GRID1: variants seen among roughly 807,000 people sequenced by gnomAD.
GRID1 encodes glutamate ionotropic receptor delta type subunit 1.
GRID1 carries 28 observed loss-of-function variants against 98.0 expected under a neutral mutation model. That is an observed-to-expected ratio of 0.29 (90% CI 0.21 to 0.39). GRID1 has a LOEUF of 0.39. GRID1 is among the 10% of genes least tolerant of loss of function. GRID1 has a pLI of 1.00. For missense variants in GRID1, 1,111 were observed against 1,340.5 expected, an observed-to-expected ratio of 0.83 and a Z score of 2.67; for synonymous variants, 553 against 538.5, an observed-to-expected ratio of 1.03 and a Z score of -0.37.
At chr10:86,186,837 A>C (rs1374394794) in intron 3 of GRID1, among the ~76,000 whole-genome samples, 1 of 152,244 alleles carries the variant, frequency 6.6e-6, no homozygotes, top group Non-Finnish European at 1.5e-5. Flanking sequence ...TAGCCACAAA[A>C]CACAGAGATC....
intron 2 of GRID1, among the ~76,000 whole-genome samples, chr10:86,265,439 A>G (rs1384116117): frequency 6.6e-6 from 1 of 152,232 alleles, no homozygotes; most frequent in Non-Finnish European, 1.5e-5. Flanking sequence ...TGACCCTTCT[A>G]TTTTACAGAT....
intron 4 of GRID1, among the ~76,000 whole-genome samples, chr10:85,977,709 C>A (rs2001416): frequency 6.6e-6 from 1 of 152,096 alleles, no homozygotes; most frequent in Admixed American, 6.5e-5. Context: ...CCTTACTGCC[C>A]TGGATTAGAT....
intron 4 of GRID1, among the ~76,000 whole-genome samples, chr10:86,010,541 G>A (rs569556431): frequency 1.2e-4 from 18 of 152,228 alleles, no homozygotes; most frequent in Admixed American, 4.6e-4. Context: ...TAATGAGGCC[G>A]GGTATGGTGG....
intron 12 of GRID1, among the ~76,000 whole-genome samples, chr10:85,701,515 A>G (rs774575156): frequency 1.6e-4 from 25 of 152,200 alleles, no homozygotes; most frequent in Non-Finnish European, 3.2e-4. Flanking sequence ...ACTAAGGCAC[A>G]GTTTTGATAA....
intron 4 of GRID1, among the ~76,000 whole-genome samples, chr10:86,085,245 C>T (rs867780526): frequency 2.0e-5 from 3 of 152,166 alleles, no homozygotes; most frequent in South Asian, 2.1e-4. Flanking sequence ...CTTGGGTCCT[C>T]GGCTTGTTTC....
At position 86,326,778 on chromosome 10, in the gene GRID1, G is replaced by A. The variant is rs184627932; in HGVS notation, c.235+37163C>T. Among the ~76,000 whole-genome samples, 526 of 152,304 alleles carry A rather than the reference G, an allele frequency of 3.5e-3. 5 individuals carry two copies. The highest frequency in any genetic ancestry group is 0.012 in the African/African-American group (489 of 41,556). ...TAAATTGGAGACAAGAGTGGAGCAG[G>A]TGCCAGGTTACCCAGGAGGAAACCA... On this transcript the variant is annotated intron_variant, in intron 2 of 15. Coordinates refer to ENST00000327946, the MANE Select transcript of GRID1 (RefSeq NM_017551.3).
At chr10:86,116,766 G>C (rs955392472) in intron 4 of GRID1, among the ~76,000 whole-genome samples, 7 of 151,484 alleles carry the variant, frequency 4.6e-5, no homozygotes, top group African/African-American at 1.7e-4. Context: ...ATGTGGCCAG[G>C]GGCTAAGGCT....
Position 85,748,708 on chromosome 10 carries a change from T to C in GRID1, c.1234-19094A>G, listed in dbSNP as rs1842020332. 1.3e-5 allele frequency among the ~76,000 whole-genome samples: 2 copies of C among 152,150 alleles called. 1 individual carries two copies. The highest frequency in any genetic ancestry group is 4.1e-4 in the South Asian group (2 of 4,828). ...AATGCTCTAATCGCTTTGAAATTTA[T>C]ATTTCTATATCAGGTTTCTTCCCTG... On this transcript the variant is annotated intron_variant, in intron 8 of 15. Coordinates refer to ENST00000327946, the MANE Select transcript of GRID1 (RefSeq NM_017551.3).
At chr10:85,960,937 C>T (rs1050606414) in intron 4 of GRID1, among the ~76,000 whole-genome samples, 3 of 151,944 alleles carry the variant, frequency 2.0e-5, no homozygotes, top group Non-Finnish European at 2.9e-5. Context: ...CTGCTATTAA[C>T]CCTGGCCTTC....
chr10:85,698,784 T>A (rs1159096329), intron 12 of GRID1, among the ~76,000 whole-genome samples: 2 of 152,224 alleles, frequency 1.3e-5, no homozygotes, highest in Non-Finnish European at 2.9e-5. Flanking sequence ...TAAGACCTTT[T>A]GTTGCTTCAT....
Position 85,949,113 on chromosome 10 carries a change from A to T in GRID1, c.727-32874T>A, listed in dbSNP as rs183977934. ...GCTTCTCCCAGGAGGGTACTCTGAC[A>T]GGTGTGGGGTGCGGGAGGGGAAGGG... On this transcript the variant is annotated intron_variant, in intron 4 of 15. Transcript: ENST00000327946. Among the ~76,000 whole-genome samples, 102 of 152,274 alleles carry T rather than the reference A, an allele frequency of 6.7e-4. 1 individual carries two copies. The highest frequency in any genetic ancestry group is 2.3e-3 in the African/African-American group (97 of 41,562).
intron 5 of GRID1, among the ~76,000 whole-genome samples, chr10:85,900,677 CA>C (rs1841368648): frequency 6.6e-6 from 1 of 152,196 alleles, no homozygotes; most frequent in African/African-American, 2.4e-5. Flanking sequence ...GTGGCTCCCA[CA>C]GCCTTGGCTG....
At chr10:85,923,563 G>A (rs989422325) in intron 4 of GRID1, among the ~76,000 whole-genome samples, 1 of 152,060 alleles carries the variant, frequency 6.6e-6, no homozygotes, top group African/African-American at 2.4e-5. Flanking sequence ...CTCTACACAC[G>A]ATCCCTCCCT....
chr10:86,199,946 G>A (rs1202053688), intron 3 of GRID1, among the ~76,000 whole-genome samples: 1 of 152,010 alleles, frequency 6.6e-6, no homozygotes, highest in Non-Finnish European at 1.5e-5. Flanking sequence ...ACCCGAGGTA[G>A]CAAGATATGG....
At chr10:86,361,195 G>C (rs1848596685) in intron 2 of GRID1, among the ~76,000 whole-genome samples, 1 of 152,230 alleles carries the variant, frequency 6.6e-6, no homozygotes, top group South Asian at 2.1e-4. Context: ...ACCTGCAGCA[G>C]AGCCCCAGGC....
intron 8 of GRID1, among the ~76,000 whole-genome samples, chr10:85,730,944 G>A (rs1477178702): frequency 6.6e-6 from 1 of 152,158 alleles, no homozygotes; most frequent in Non-Finnish European, 1.5e-5. Context: ...ATATACTGTT[G>A]TCAGGGAAAA....
chr10:86,117,730 T>C (rs568347280), intron 4 of GRID1, among the ~76,000 whole-genome samples: 15 of 152,354 alleles, frequency 9.8e-5, no homozygotes, highest in African/African-American at 3.6e-4. Flanking sequence ...TCATTAATTA[T>C]CAGAGAAATG....
chr10:86,092,590 A>G (rs1844165464), intron 4 of GRID1, among the ~76,000 whole-genome samples: 1 of 152,230 alleles, frequency 6.6e-6, no homozygotes, highest in Admixed American at 6.5e-5. Context: ...AGCTATTCTT[A>G]TATCAGACAA....
At chr10:85,987,822 A>C (rs1406975086) in intron 4 of GRID1, among the ~76,000 whole-genome samples, 1 of 151,672 alleles carries the variant, frequency 6.6e-6, no homozygotes. Context: ...GGGGTCCCCC[A>C]GCAACACCAT....
Sources: allele counts gnomAD v4.1 joint callset (sites outside exome capture counted in the v4.1 genomes callset), GRCh38; gene constraint gnomAD v4.1.1; transcripts MANE v1.5; gene names NCBI Gene and HGNC (gene_info 2026-07-23, HGNC 2026-07-21).